NKAIN2: variants seen among roughly 807,000 people sequenced by gnomAD.
NKAIN2 encodes sodium/potassium-transporting ATPase subunit beta-1-interacting protein 2.
In NKAIN2, 14 loss-of-function variants were observed where a neutral mutation model predicts 32.6. The ratio of observed to expected loss-of-function variants is 0.43; its 90% CI spans 0.28 to 0.67. NKAIN2 has a LOEUF of 0.67. Ranked by LOEUF, NKAIN2 falls within the 30% of genes least tolerant of loss-of-function variation. NKAIN2 has a pLI of 0.17. For missense variants in NKAIN2, 198 were observed against 258.3 expected, an observed-to-expected ratio of 0.77 and a Z score of 1.60; for synonymous variants, 80 against 87.2, an observed-to-expected ratio of 0.92 and a Z score of 0.46.
chr6:124,115,237 A>T (rs1007885038), intron 1 of NKAIN2, among the ~76,000 whole-genome samples: 5 of 152,096 alleles, frequency 3.3e-5, no homozygotes, highest in African/African-American at 9.7e-5. Context: ...ATTCTTAATG[A>T]TTTCCAATAA....
intron 3 of NKAIN2, among the ~76,000 whole-genome samples, chr6:124,379,119 AGGGGAGGGGAGGAGAGGGGAGGGG>A (rs1800116443): frequency 2.4e-5 from 2 of 84,708 alleles, no homozygotes; most frequent in Non-Finnish European, 4.9e-5. Context: ...AGAAGAGGAG[AGGGGAGGGGAGGAGAGGGGAGGGG>A]AGGGAGGGAG....
At chr6:124,655,849 T>C (rs1294099906) in intron 3 of NKAIN2, among the ~76,000 whole-genome samples, 1 of 152,222 alleles carries the variant, frequency 6.6e-6, no homozygotes, top group African/African-American at 2.4e-5. Flanking sequence ...CAGAAAATCC[T>C]CCTTACCATT....
chr6:124,139,959 G>A (rs1787053607), intron 1 of NKAIN2, among the ~76,000 whole-genome samples: 1 of 152,158 alleles, frequency 6.6e-6, no homozygotes, highest in Non-Finnish European at 1.5e-5. Context: ...ATGCACAGAT[G>A]TTATTAATTT....
chr6:124,620,724 T>G (rs906035324), intron 3 of NKAIN2, among the ~76,000 whole-genome samples: 8 of 152,210 alleles, frequency 5.3e-5, no homozygotes, highest in African/African-American at 1.9e-4. Context: ...ATGGTCAGGA[T>G]AAATTTATTA....
chr6:124,380,954 T>C (rs1405057594), intron 3 of NKAIN2, among the ~76,000 whole-genome samples: 1 of 152,160 alleles, frequency 6.6e-6, no homozygotes, highest in East Asian at 1.9e-4. Context: ...TGTATCGAAG[T>C]GTAACTTCAA....
chr6:123,890,815 GCAATTCCC>G (rs2114371088), intron 1 of NKAIN2, among the ~76,000 whole-genome samples: 1 of 152,208 alleles, frequency 6.6e-6, no homozygotes, highest in East Asian at 1.9e-4. Context: ...ATGTGATCCA[GCAATTCCC>G]CTTCTAGATA....
At chr6:123,997,942 G>A (rs1049860915) in intron 1 of NKAIN2, among the ~76,000 whole-genome samples, 1 of 152,010 alleles carries the variant, frequency 6.6e-6, no homozygotes, top group African/African-American at 2.4e-5. Context: ...TTGCTTTTTG[G>A]TGTCTTCAGG....
chr6:124,709,882 G>A (rs888105369), intron 4 of NKAIN2, among the ~76,000 whole-genome samples: 243 of 151,974 alleles, frequency 1.6e-3, no homozygotes, highest in African/African-American at 5.7e-3. Flanking sequence ...GCTTTTGAAT[G>A]TGTTTGCTCT....
intron 4 of NKAIN2, among the ~76,000 whole-genome samples, chr6:124,721,807 T>G (rs562113931): frequency 6.6e-6 from 1 of 152,354 alleles, no homozygotes; most frequent in Non-Finnish European, 1.5e-5. Flanking sequence ...GCTATTTTTT[T>G]AATTGTAGTA....
At chr6:124,597,772 T>C (rs1782149787) in intron 3 of NKAIN2, among the ~76,000 whole-genome samples, 1 of 152,168 alleles carries the variant, frequency 6.6e-6, no homozygotes, top group Non-Finnish European at 1.5e-5. Context: ...GAACAAATGG[T>C]TTCAGCTTGT....
intron 4 of NKAIN2, among the ~76,000 whole-genome samples, chr6:124,706,954 T>G (rs910271487): frequency 4.6e-5 from 7 of 151,888 alleles, no homozygotes; most frequent in African/African-American, 1.7e-4. Context: ...ACTCGTCATC[T>G]AGCATTAGTA....
chr6:124,707,888 T>C lies in NKAIN2; in HGVS notation c.474+49502T>C, dbSNP rs144939221. ...ATTTTGTCTTTTGTTGCTATTGCTTTTGGTGTTTTGGACATGAAGTCCTTG... is the reference window on the plus strand; with the variant it reads ...ATTTTGTCTTTTGTTGCTATTGCTTCTGGTGTTTTGGACATGAAGTCCTTG... On this transcript the variant is annotated intron_variant, in intron 4 of 6. Transcript: ENST00000368417. Among the ~76,000 whole-genome samples the C allele has an allele frequency of 2.3e-3, 347 of 152,300 alleles. 2 individuals are homozygous for C. The highest frequency in any genetic ancestry group is 8.0e-3 in the African/African-American group (333 of 41,550).
intron 1 of NKAIN2, among the ~76,000 whole-genome samples, chr6:124,076,176 T>A (rs951311929): frequency 6.6e-6 from 1 of 152,198 alleles, no homozygotes; most frequent in Non-Finnish European, 1.5e-5. Flanking sequence ...TTAGAAATAG[T>A]CTACTCTGAA....
intron 4 of NKAIN2, among the ~76,000 whole-genome samples, chr6:124,763,332 C>A (rs1259294008): frequency 1.3e-5 from 2 of 152,324 alleles, no homozygotes; most frequent in Middle Eastern, 3.4e-3. Context: ...GTTCTGCAGG[C>A]TGCACAGGAA....
chr6:124,259,100 C>T (rs901274717), intron 1 of NKAIN2, among the ~76,000 whole-genome samples: 3 of 152,168 alleles, frequency 2.0e-5, no homozygotes, highest in African/African-American at 4.8e-5. Context: ...ACCACTGAGG[C>T]ATCCATCATT....
chr6:124,661,762 A>G (rs1784753837), intron 4 of NKAIN2, among the ~76,000 whole-genome samples: 1 of 152,208 alleles, frequency 6.6e-6, no homozygotes, highest in Non-Finnish European at 1.5e-5. Context: ...AGATGTGCAC[A>G]GATTTAATAA....
chr6:124,003,465 C>G (rs78896604), intron 1 of NKAIN2, among the ~76,000 whole-genome samples: 2,541 of 152,228 alleles, frequency 0.017, 75 homozygotes, highest in African/African-American at 0.057. Flanking sequence ...TTTGGTAATG[C>G]CAAACTTGTT....
At chr6:124,242,704 A>G (rs887819902) in intron 1 of NKAIN2, among the ~76,000 whole-genome samples, 1 of 152,190 alleles carries the variant, frequency 6.6e-6, no homozygotes, top group African/African-American at 2.4e-5. Context: ...ATGGAATACT[A>G]TGCAGCCATA....
chr6:124,729,289 C>T (rs1212403119), intron 4 of NKAIN2, among the ~76,000 whole-genome samples: 5 of 149,762 alleles, frequency 3.3e-5, no homozygotes, highest in Admixed American at 1.3e-4. Context: ...CCTTGATGAA[C>T]ATTGATGCAA....
Sources: gnomAD v4.1 joint callset for allele counts (sites outside exome capture counted in the v4.1 genomes callset) on GRCh38, gnomAD v4.1.1 for gene constraint, MANE v1.5 for transcripts, NCBI Gene and HGNC (gene_info 2026-07-23, HGNC 2026-07-21) for gene names.